UROC1: variants seen among roughly 807,000 people sequenced by gnomAD.
UROC1 encodes the protein urocanate hydratase.
A neutral mutation model predicts 89.5 loss-of-function variants in UROC1; 79 were observed. That is an observed-to-expected ratio of 0.88 (90% CI 0.74 to 1.06). UROC1 has a LOEUF of 1.06. Ranked by LOEUF, UROC1 falls within the 50% of genes least tolerant of loss-of-function variation. UROC1 has a pLI of 0.00. For synonymous variants in UROC1, 361 were observed against 354.8 expected (o/e 1.02, Z -0.20); for missense variants, 885 against 907.8 (o/e 0.97, Z 0.32).
In UROC1 at chr3:126,509,558, C is replaced by T. The variant is rs774989990; in HGVS notation, c.351+27G>A. 10 of 1,538,400 alleles carry T rather than the reference C, an allele frequency of 6.5e-6. No individual in the cohort carries two copies. In the Admixed American group the frequency reaches 1.8e-4, roughly 27 times the overall value. On this transcript the variant is annotated intron_variant, in intron 3 of 19. Coordinates refer to ENST00000290868, the MANE Select transcript of UROC1 (RefSeq NM_144639.3). ...CGTGTTCTGTTTCTGCTGGACAGTG[C>T]TGGGCCTCGGTTTCCCTGGCTATTA...
rs1393605197 is a variant in UROC1, at chr3:126,508,109, A to G, written c.412-14T>C. On this transcript the variant is annotated splice_polypyrimidine_tract_variant and intron_variant, in intron 4 of 19. Transcript: ENST00000290868. ...GGTCAGCCAGAACTGGGGGAAGAGC[A>G]GAGCGTGGGGATTCTGTCAACAGAA... 6.2e-6 allele frequency: 10 copies of G among 1,613,618 alleles called. No individual in the cohort carries two copies. The highest frequency in any genetic ancestry group is 8.5e-6 in the Non-Finnish European group (10 of 1,180,022).
intron 6 of UROC1, among the ~76,000 whole-genome samples, chr3:126,507,482 A>G (rs1348856105): frequency 6.6e-6 from 1 of 152,166 alleles, no homozygotes; most frequent in East Asian, 1.9e-4. Context: ...AATTCGGTCA[A>G]TTTTCGCATG....
intron 15 of UROC1, 125 bp from the exon 16 acceptor site, chr3:126,492,641 C>A: frequency 1.3e-6 from 1 of 771,176 alleles, no homozygotes; most frequent in Non-Finnish European, 2.2e-6. Context: ...GAGCGCCTAA[C>A]AAGGTCCAGG....
At position 126,482,563 on chromosome 3, in the gene UROC1, G is replaced by A. The variant is rs897851735; in HGVS notation, c.1891-78C>T. The A allele has an allele frequency of 6.8e-6, 11 of 1,608,992 alleles. No homozygotes were observed. In the African/African-American group the frequency reaches 9.4e-5, roughly 14 times the overall value. Reference sequence around the variant, plus strand: ...GTGAGTCTTGGCTCCCACACTTGGGGCCTCTCTGCTTCGGGACCTCTGAGG... The same window carrying A: ...GTGAGTCTTGGCTCCCACACTTGGGACCTCTCTGCTTCGGGACCTCTGAGG... On this transcript the variant is annotated intron_variant, in intron 19 of 19. Coordinates refer to ENST00000290868, the MANE Select transcript of UROC1 (RefSeq NM_144639.3).
At chr3:126,513,638 C>A (rs1260131503) in intron 1 of UROC1, among the ~76,000 whole-genome samples, 1 of 152,200 alleles carries the variant, frequency 6.6e-6, no homozygotes, top group South Asian at 2.1e-4. Context: ...GTACTTAGAA[C>A]AGCCCCTGGC....
At chr3:126,501,171 C>T in intron 10 of UROC1, 47 bp downstream of exon 10, 1 of 1,603,132 alleles carries the variant, frequency 6.2e-7, no homozygotes, top group Non-Finnish European at 8.5e-7. Context: ...CTCAGGGGGC[C>T]CCATCTGGGT....
At chr3:126,499,567 T>G (rs1256265783) in intron 12 of UROC1, among the ~76,000 whole-genome samples, 158 bp from the exon 13 acceptor site, 1 of 152,224 alleles carries the variant, frequency 6.6e-6, no homozygotes, top group African/African-American at 2.4e-5. Context: ...GTGGCCAGCA[T>G]GCTGCTGTCT....
At position 126,505,707 on chromosome 3, in the gene UROC1, T is replaced by C. The variant is rs200233135; in HGVS notation, c.807A>G (p.Ile269Met). Residue 269 changes from isoleucine to methionine, a missense_variant, in exon 8 of 20, where the codon ATA (isoleucine) becomes ATG (methionine). Ile to Met is a conservative substitution (Grantham distance 10, BLOSUM62 1). Transcript: ENST00000290868. Reference protein sequence around the residue: ...AAVIVGCIGVIAEVDKAALEK... With the variant: ...AAVIVGCIGVMAEVDKAALEK... ...CAGGAGCCCCCCAGCTTACCTCTGC[T>C]ATCACACCGATGCACCCCACGATGA... 14 of 1,613,664 alleles carry C rather than the reference T, an allele frequency of 8.7e-6. No homozygotes were observed. The East Asian group carries it at 2.9e-4, about 33-fold the overall frequency.
intron 17 of UROC1, 149 bp from the exon 18 acceptor site, chr3:126,488,428 G>T: frequency 1.2e-6 from 1 of 807,844 alleles, no homozygotes; most frequent in Non-Finnish European, 2.1e-6. Context: ...TCTCACAGCA[G>T]CAGTCGTGTG....
intron 16 of UROC1, among the ~76,000 whole-genome samples, chr3:126,491,439 G>A (rs908890254): frequency 1.3e-5 from 2 of 152,212 alleles, no homozygotes; most frequent in African/African-American, 2.4e-5. Context: ...CCAGCTGACC[G>A]CAGCCCGGGG....
At chr3:126,502,047 T>C (rs1935935573) in intron 9 of UROC1, 2 of 1,318,780 alleles carry the variant, frequency 1.5e-6, no homozygotes, top group East Asian at 2.5e-5. Context: ...GACAGTTCCT[T>C]AAACTGATTT....
intron 6 of UROC1, among the ~76,000 whole-genome samples, chr3:126,506,463 G>C (rs1382226429): frequency 2.0e-5 from 3 of 152,192 alleles, no homozygotes; most frequent in African/African-American, 7.2e-5. Flanking sequence ...ATGGCAGAGA[G>C]GGACAGGGCC....
chr3:126,508,460 C>G lies in UROC1; in HGVS notation c.367G>C (p.Val123Leu), dbSNP rs1475065968. Residue 123 changes from valine (V) to leucine (L), a missense_variant, in exon 4 of 20, where the codon GTG becomes CTG. Transcript: ENST00000290868. ...ACCTGCCCATTTCCTCCATAGGTCA[C>G]CAGCTCCTGGGGAAACTGAGGAAGA... ...PAVAQFPQELVTYGGNGQVFS... is the reference protein window; with the variant it reads ...PAVAQFPQELLTYGGNGQVFS... The G allele has an allele frequency of 6.2e-7, 1 of 1,613,806 alleles. No individual in the cohort carries two copies. Among genetic ancestry groups the G allele is most frequent in the Non-Finnish European group, 8.5e-7 (1 of 1,179,896 alleles).
At chr3:126,515,144 G>A (rs148302714) in intron 1 of UROC1, among the ~76,000 whole-genome samples, 6 of 152,040 alleles carry the variant, frequency 3.9e-5, no homozygotes, top group Middle Eastern at 3.4e-3. Flanking sequence ...AAGACACCCC[G>A]GGAGCTGATC....
intron 8 of UROC1, among the ~76,000 whole-genome samples, chr3:126,504,935 C>T (rs1031928332): frequency 6.6e-6 from 1 of 152,140 alleles, no homozygotes; most frequent in African/African-American, 2.4e-5. Flanking sequence ...GTGTTTGGGT[C>T]ATGGGGCAGC....
chr3:126,511,300 C>T (rs1316688248), intron 1 of UROC1, among the ~76,000 whole-genome samples: 1 of 152,178 alleles, frequency 6.6e-6, no homozygotes, highest in Non-Finnish European at 1.5e-5. Flanking sequence ...TACCCAGATA[C>T]ATACACCCAT....
intron 1 of UROC1, among the ~76,000 whole-genome samples, chr3:126,514,519 C>T (rs575338292): frequency 2.0e-5 from 3 of 152,118 alleles, no homozygotes; most frequent in East Asian, 3.9e-4. Flanking sequence ...CACAGAGCTC[C>T]GTTAAAGACG....
Position 126,499,413 on chromosome 3 carries a change from T to A in UROC1, c.1244-4A>T. ...CCTTTCTTCTCCACATCCGCTCCTG[T>A]GGGCAGAGCCCGGACAGTCACCACC... is the stretch of plus-strand genomic sequence containing the variant. On this transcript the variant is annotated splice_polypyrimidine_tract_variant and splice_region_variant and intron_variant, in intron 12 of 19. Coordinates refer to ENST00000290868, the MANE Select transcript of UROC1 (RefSeq NM_144639.3). The A allele has an allele frequency of 6.2e-7, 1 of 1,611,264 alleles. No homozygotes were observed. The highest frequency in any genetic ancestry group is 1.1e-5 in the South Asian group (1 of 90,496).
At position 126,509,692 on chromosome 3, in the gene UROC1, C is replaced by T; in HGVS notation, c.258-14G>A. ...ATCGGGTAGGCCCTGCAAGGGAAAG[C>T]CCAACCACCAGGCTGCCCTTCCCGC... On this transcript the variant is annotated splice_polypyrimidine_tract_variant and intron_variant, in intron 2 of 19. Transcript: ENST00000290868. 6.4e-7 allele frequency: 1 copy of T among 1,550,896 alleles called. No homozygotes were observed. Among genetic ancestry groups the T allele is most frequent in the African/African-American group, 1.4e-5 (1 of 73,170 alleles).
Sources: allele counts gnomAD v4.1 joint callset (sites outside exome capture counted in the v4.1 genomes callset), GRCh38; gene constraint gnomAD v4.1.1; transcripts MANE v1.5; gene names NCBI Gene and HGNC (gene_info 2026-07-23, HGNC 2026-07-21).